The following LMAN1 variants were observed in gnomAD, a reference collection of about 807,000 sequenced individuals.
LMAN1 encodes lectin, mannose binding 1.
In LMAN1, 32 loss-of-function variants were observed where a neutral mutation model predicts 67.8. The ratio of observed to expected loss-of-function variants is 0.47; its 90% CI spans 0.36 to 0.63. LMAN1 has a LOEUF of 0.63. Ranked by LOEUF, LMAN1 falls within the 30% of genes least tolerant of loss-of-function variation. LMAN1 has a pLI of 0.00. For synonymous variants in LMAN1, 235 were observed against 219.3 expected, an observed-to-expected ratio of 1.07 and a Z score of -0.63; for missense variants, 632 against 628.2, an observed-to-expected ratio of 1.01 and a Z score of -0.06.
At chr18:59,346,168 A>C in intron 7 of LMAN1, 117 bp from the exon 8 acceptor site, 1 of 803,944 alleles carries the variant, frequency 1.2e-6, no homozygotes, top group Non-Finnish European at 2.0e-6. Flanking sequence ...AGGTTAACAT[A>C]AAAATGTATT....
At chr18:59,356,565 A>T (rs1908664540) in intron 1 of LMAN1, among the ~76,000 whole-genome samples, 1 of 152,226 alleles carries the variant, frequency 6.6e-6, no homozygotes. Flanking sequence ...TACAACTGTA[A>T]CTGTAATCTC....
intron 4 of LMAN1, 86 bp downstream of exon 4, chr18:59,354,433 A>T: frequency 1.3e-6 from 1 of 775,116 alleles, no homozygotes; most frequent in South Asian, 1.5e-5. Context: ...TTTCATTTGG[A>T]AGGTGTTCAG....
In LMAN1 at chr18:59,329,442, T is replaced by C. The variant is rs1407791162; in HGVS notation, c.*1651A>G. 6.6e-6 allele frequency: 1 copy of C among 152,152 alleles called. No homozygotes were observed. The highest frequency in any genetic ancestry group is 1.5e-5 in the Non-Finnish European group (1 of 68,028). The allele number at this position is 152,152 out of a possible 1,614,324, so 9.4% of individuals were successfully genotyped here. A position where few individuals can be genotyped will look rare whatever the true frequency, so the allele number is the denominator to read the frequency against. ...AAATATTCCTCTGAAGGTATTTAATTTTTTTTCATGGAGCAAGAGTAAATT... is the reference window on the plus strand; with the variant it reads ...AAATATTCCTCTGAAGGTATTTAATCTTTTTTCATGGAGCAAGAGTAAATT... On this transcript the variant is annotated 3_prime_UTR_variant, in exon 13 of 13. Transcript: ENST00000251047.
intron 11 of LMAN1, among the ~76,000 whole-genome samples, chr18:59,332,003 T>G (rs1255926650): frequency 1.3e-5 from 2 of 152,212 alleles, no homozygotes; most frequent in African/African-American, 4.8e-5. Context: ...CCTCATTCTC[T>G]ACAATCTCAT....
At chr18:59,354,035 G>T (rs989837295) in intron 4 of LMAN1, among the ~76,000 whole-genome samples, 2 of 152,152 alleles carry the variant, frequency 1.3e-5, no homozygotes, top group African/African-American at 2.4e-5. Flanking sequence ...TGAATCCACA[G>T]ATACGGAACC....
rs539103530 is a variant in LMAN1 at position 59,333,023 on chromosome 18, T to A, written c.1374+68A>T. Reference sequence around the variant, plus strand: ...GCATTAACTAAAGGGTTAAAATACTTGCAGTAGAGTATGAGTTCTTCCTTT... The same window carrying A: ...GCATTAACTAAAGGGTTAAAATACTAGCAGTAGAGTATGAGTTCTTCCTTT... On this transcript the variant is annotated intron_variant, in intron 11 of 12. Coordinates refer to ENST00000251047, the MANE Select transcript of LMAN1 (RefSeq NM_005570.4). 8.6e-6 allele frequency: 11 copies of A among 1,283,954 alleles called. No homozygotes were observed. The East Asian group carries it at 2.6e-4, about 30-fold the overall frequency. The allele number at this position is 1,283,954 out of a possible 1,614,324, so 79.5% of individuals were successfully genotyped here.
intron 1 of LMAN1, among the ~76,000 whole-genome samples, chr18:59,357,307 G>A (rs1004447467): frequency 2.0e-4 from 30 of 152,336 alleles, no homozygotes; most frequent in African/African-American, 6.5e-4. Flanking sequence ...GGAAGTCAAG[G>A]TAGCTGATTT....
chr18:59,358,176 G>A (rs1267894498), intron 1 of LMAN1, among the ~76,000 whole-genome samples: 1 of 152,234 alleles, frequency 6.6e-6, no homozygotes, highest in East Asian at 1.9e-4. Flanking sequence ...TTTCTTTCAC[G>A]TAAGTAAATG....
intron 1 of LMAN1, among the ~76,000 whole-genome samples, chr18:59,356,191 T>C (rs1164865433): frequency 6.6e-6 from 1 of 152,210 alleles, no homozygotes; most frequent in Admixed American, 6.5e-5. Context: ...CTAAAAGTTA[T>C]ATGCAAAATA....
At position 59,338,173 on chromosome 18, in the gene LMAN1, T is replaced by A. The variant is rs570200152; in HGVS notation, c.1220+384A>T. On this transcript the variant is annotated intron_variant, in intron 10 of 12. Coordinates refer to ENST00000251047, the MANE Select transcript of LMAN1 (RefSeq NM_005570.4). ...CAAAAAGAATTTCCTGCATCAGGTC[T>A]GCTTGTATTATAGTCTTACAATGCT... is the stretch of plus-strand genomic sequence containing the variant. 2.1e-4 allele frequency among the ~76,000 whole-genome samples: 32 copies of A among 152,358 alleles called. No individual in the cohort carries two copies. The South Asian group carries it at 6.0e-3, about 29-fold the overall frequency.
At position 59,349,193 on chromosome 18, in the gene LMAN1, T is replaced by G. The variant is rs1194718508; in HGVS notation, c.683A>C (p.Glu228Ala). The change falls in exon 6 of 13, where the codon GAA becomes GCA. Residue 228 changes from glutamate to alanine, a missense_variant. Glu to Ala is a moderately radical substitution (Grantham distance 107). Coordinates refer to ENST00000251047, the MANE Select transcript of LMAN1 (RefSeq NM_005570.4). The stretch of plus-strand genomic sequence containing the variant: ...CATATTTTCCACTTTGGCACAAAAT[T>G]CATAATCATTTTTATCTGGTGTAAA... Reference protein sequence around the residue: ...NGFTPDKNDYEFCAKVENMII... With the variant: ...NGFTPDKNDYAFCAKVENMII... 1.9e-6 allele frequency: 3 copies of G among 1,613,560 alleles called. No individual in the cohort carries two copies. The South Asian group carries it at 3.3e-5, about 18-fold the overall frequency.
chr18:59,339,309 A>C (rs146937926), intron 8 of LMAN1, among the ~76,000 whole-genome samples: 26 of 152,288 alleles, frequency 1.7e-4, no homozygotes, highest in African/African-American at 6.3e-4. Context: ...CATTTCAAAT[A>C]GATTGCCTAG....
At chr18:59,342,035 A>G (rs1908300557) in intron 8 of LMAN1, among the ~76,000 whole-genome samples, 1 of 152,112 alleles carries the variant, frequency 6.6e-6, no homozygotes, top group Admixed American at 6.5e-5. Flanking sequence ...AGATCGTCAG[A>G]AACTATTTGA....
intron 9 of LMAN1, 22 bp from the exon 10 acceptor site, chr18:59,338,649 A>C: frequency 3.1e-6 from 5 of 1,611,092 alleles, no homozygotes; most frequent in Non-Finnish European, 2.5e-6. Context: ...AACAATGACG[A>C]GCAAGCTGAA....
At position 59,329,455 on chromosome 18, in the gene LMAN1, G is replaced by C. The variant is rs1283236072; in HGVS notation, c.*1638C>G. 1 of 151,992 alleles carries C rather than the reference G, an allele frequency of 6.6e-6. No homozygotes were observed. The highest frequency in any genetic ancestry group is 2.4e-5 in the African/African-American group (1 of 41,394). The allele number at this position is 151,992 out of a possible 1,614,324, so 9.4% of individuals were successfully genotyped here. A position where few individuals can be genotyped will look rare whatever the true frequency, so the allele number is the denominator to read the frequency against. On this transcript the variant is annotated 3_prime_UTR_variant, in exon 13 of 13. Coordinates refer to ENST00000251047, the MANE Select transcript of LMAN1 (RefSeq NM_005570.4). ...AAGGTATTTAATTTTTTTTCATGGA[G>C]CAAGAGTAAATTCTGTGATGATGAA...
At chr18:59,336,758 C>T (rs1481847835) in intron 10 of LMAN1, among the ~76,000 whole-genome samples, 1 of 151,898 alleles carries the variant, frequency 6.6e-6, no homozygotes, top group Non-Finnish European at 1.5e-5. Context: ...GTGGCATGTA[C>T]CTGTAGTCCC....
At chr18:59,345,437 A>G (rs1033740485) in intron 8 of LMAN1, among the ~76,000 whole-genome samples, 3 of 152,236 alleles carry the variant, frequency 2.0e-5, no homozygotes, top group African/African-American at 7.2e-5. Flanking sequence ...AGAAGCAGAT[A>G]TGTCACATTA....
At chr18:59,350,079 A>G (rs1363596626) in intron 5 of LMAN1, among the ~76,000 whole-genome samples, 1 of 152,226 alleles carries the variant, frequency 6.6e-6, no homozygotes, top group Non-Finnish European at 1.5e-5. Context: ...AGATTCAGTC[A>G]CACAGGCAAA....
intron 8 of LMAN1, among the ~76,000 whole-genome samples, chr18:59,342,889 A>G (rs35622475): frequency 0.22 from 33,576 of 151,926 alleles, 3,933 homozygotes; most frequent in Non-Finnish European, 0.27. Flanking sequence ...ATATGATCTT[A>G]TATCTCAAAA....
Sources: gnomAD v4.1 joint callset for allele counts (sites outside exome capture counted in the v4.1 genomes callset) on GRCh38, gnomAD v4.1.1 for gene constraint, MANE v1.5 for transcripts, NCBI Gene and HGNC (gene_info 2026-07-23, HGNC 2026-07-21) for gene names.